Variants in NEDD4L observed in about 807,000 individuals in gnomAD.
NEDD4L encodes E3 ubiquitin-protein ligase NEDD4-like.
In NEDD4L, 54 loss-of-function variants were observed where a neutral mutation model predicts 148.9. The ratio of observed to expected loss-of-function variants is 0.36; its 90% CI spans 0.29 to 0.45. The LOEUF is 0.45. Ranked by LOEUF, NEDD4L falls within the 20% of genes least tolerant of loss-of-function variation. The pLI, the probability that NEDD4L is intolerant of heterozygous loss-of-function variation, is 1.00. For synonymous variants in NEDD4L, 433 were observed against 440.7 expected (o/e 0.98, Z 0.22); for missense variants, 856 against 1,233.8 (o/e 0.69, Z 4.59).
chr18:58,179,979 A>C (rs1460427530), intron 2 of NEDD4L, among the ~76,000 whole-genome samples: 1 of 152,058 alleles, frequency 6.6e-6, no homozygotes, highest in African/African-American at 2.4e-5. Flanking sequence ...TGGTGCCAAA[A>C]AAGTTGGGGA....
chr18:58,243,957 C>CTCAGCCTTAGAAAAAGATGAGG (rs2046947018), intron 2 of NEDD4L, among the ~76,000 whole-genome samples: 4 of 152,122 alleles, frequency 2.6e-5, no homozygotes, highest in Non-Finnish European at 5.9e-5. Context: ...TAAATACACA[C>CTCAGCCTTAGAAAAAGATGAGG]GTGAACACAC....
chr18:58,124,206 T>C (rs2030579650), intron 1 of NEDD4L, among the ~76,000 whole-genome samples: 1 of 152,154 alleles, frequency 6.6e-6, no homozygotes, highest in African/African-American at 2.4e-5. Context: ...CCAGAGGGTG[T>C]TCCCCGGGTG....
intron 2 of NEDD4L, among the ~76,000 whole-genome samples, chr18:58,184,654 C>T (rs1249115204): frequency 6.6e-6 from 1 of 152,060 alleles, no homozygotes; most frequent in African/African-American, 2.4e-5. Flanking sequence ...CCTGTCTGGG[C>T]GTGGTGGCTC....
At position 58,319,134 on chromosome 18, in the gene NEDD4L, A is replaced by G. The variant is rs144816126; in HGVS notation, c.348+3102A>G. Among the ~76,000 whole-genome samples the G allele has an allele frequency of 6.5e-4, 99 of 152,320 alleles. No individual in the cohort carries two copies. The East Asian group carries it at 0.012, about 18-fold the overall frequency. ...CCCTCTCATGAGTGCAGAATTCAAA[A>G]TCATGGAGTTTGGAGGGACTTCAGA... On this transcript the variant is annotated intron_variant, in intron 6 of 30. Transcript: ENST00000400345.
chr18:58,226,213 G>A (rs560585720), intron 2 of NEDD4L, among the ~76,000 whole-genome samples: 1 of 152,254 alleles, frequency 6.6e-6, no homozygotes, highest in South Asian at 2.1e-4. Context: ...GAATATCCAC[G>A]CCTATGGAAT....
chr18:58,205,159 C>T lies in NEDD4L; in HGVS notation c.122+39298C>T, dbSNP rs559903400. On this transcript the variant is annotated intron_variant, in intron 2 of 30. Coordinates refer to ENST00000400345, the MANE Select transcript of NEDD4L (RefSeq NM_001144967.3). ...CTTTATTATGTCCTATTTGTGTTTCCTGCTTTTGAGGTTCTTAGTCCTTTT... is the reference window on the plus strand; with the variant it reads ...CTTTATTATGTCCTATTTGTGTTTCTTGCTTTTGAGGTTCTTAGTCCTTTT... Among the ~76,000 whole-genome samples the T allele has an allele frequency of 2.0e-5, 3 of 152,236 alleles. No homozygotes were observed. The South Asian group carries it at 6.2e-4, about 32-fold the overall frequency.
intron 2 of NEDD4L, among the ~76,000 whole-genome samples, chr18:58,187,329 T>A (rs2039585859): frequency 6.6e-6 from 1 of 152,098 alleles, no homozygotes; most frequent in African/African-American, 2.4e-5. Flanking sequence ...ACTGAATCAC[T>A]GAACCAGGCA....
chr18:58,235,288 T>C (rs541586823), intron 2 of NEDD4L, among the ~76,000 whole-genome samples: 215 of 152,290 alleles, frequency 1.4e-3, no homozygotes, highest in South Asian at 8.9e-3. Flanking sequence ...GGTTTTATTG[T>C]TGCTTACTCA....
chr18:58,136,123 C>T (rs1261026738), intron 1 of NEDD4L, among the ~76,000 whole-genome samples: 2 of 151,978 alleles, frequency 1.3e-5, no homozygotes, highest in Non-Finnish European at 2.9e-5. Context: ...TAACAACTCA[C>T]ATGCTGAGGG....
intron 1 of NEDD4L, among the ~76,000 whole-genome samples, chr18:58,063,379 C>T (rs988091715): frequency 2.0e-5 from 3 of 151,848 alleles, no homozygotes; most frequent in Non-Finnish European, 4.4e-5. Context: ...TTAAAAGATA[C>T]CTTCTAAACT....
rs1223192688 is a variant in NEDD4L, at chr18:58,341,787, C to A, written c.1367C>A (p.Ala456Asp). 6.2e-7 allele frequency: 1 copy of A among 1,613,020 alleles called. No individual in the cohort carries two copies. The highest frequency in any genetic ancestry group is 1.3e-5 in the African/African-American group (1 of 74,914). Residue 456 changes from alanine (A) to aspartate (D), a missense_variant, in exon 15 of 31, where the codon GCC becomes GAC. Ala to Asp is a moderately radical substitution (Grantham distance 126). This residue lies in a region of NEDD4L where 367 missense variants were observed against 422.7 expected (regional missense o/e 0.87). Coordinates refer to ENST00000400345, the MANE Select transcript of NEDD4L (RefSeq NM_001144967.3). ...SLSSPTVTLS[A>D]PLEGAKDSPV... Reference sequence around the variant, plus strand: ...AGCTCGCCAACAGTAACTTTATCTGCCCCGCTGGAGGTGAGACGGCTACCT... The same window carrying A: ...AGCTCGCCAACAGTAACTTTATCTGACCCGCTGGAGGTGAGACGGCTACCT...
At chr18:58,194,860 A>AC (rs2040488296) in intron 2 of NEDD4L, among the ~76,000 whole-genome samples, 1 of 152,244 alleles carries the variant, frequency 6.6e-6, no homozygotes, top group African/African-American at 2.4e-5. Context: ...ATGTAAAAAA[A>AC]GCACATTGAT....
At chr18:58,188,796 GTTGTTAGTC>G (rs1368617583) in intron 2 of NEDD4L, among the ~76,000 whole-genome samples, 1 of 152,260 alleles carries the variant, frequency 6.6e-6, no homozygotes, top group Non-Finnish European at 1.5e-5. Context: ...GTAATCTGTA[GTTGTTAGTC>G]TTGAAAGTGG....
At chr18:58,328,211 C>T (rs542943833) in intron 9 of NEDD4L, among the ~76,000 whole-genome samples, 13 of 152,290 alleles carry the variant, frequency 8.5e-5, no homozygotes, top group South Asian at 8.3e-4. Context: ...GTGATCCGCC[C>T]GCCTTGGCCT....
intron 1 of NEDD4L, among the ~76,000 whole-genome samples, chr18:58,091,839 A>G (rs887019054): frequency 6.6e-6 from 1 of 152,186 alleles, no homozygotes; most frequent in African/African-American, 2.4e-5. Context: ...CATTATTCAC[A>G]TTGCCTGAGA....
chr18:58,337,886 C>T (rs889884930), intron 13 of NEDD4L, among the ~76,000 whole-genome samples: 6 of 152,162 alleles, frequency 3.9e-5, no homozygotes, highest in South Asian at 4.1e-4. Context: ...GGCAAATAAA[C>T]GCACAGTGGT....
chr18:58,283,107 G>T (rs537544075), intron 5 of NEDD4L, among the ~76,000 whole-genome samples: 2 of 151,474 alleles, frequency 1.3e-5, no homozygotes, highest in African/African-American at 4.9e-5. Flanking sequence ...ACTGTGTCTC[G>T]CTCTGTCGCC....
intron 2 of NEDD4L, among the ~76,000 whole-genome samples, chr18:58,192,492 G>T (rs1568360312): frequency 6.6e-6 from 1 of 152,194 alleles, no homozygotes; most frequent in Non-Finnish European, 1.5e-5. Flanking sequence ...CATCATCAGG[G>T]TTAGTTCTCA....
chr18:58,371,203 A>ATTTTTTTTTTTTTTTT (rs34960405), intron 23 of NEDD4L, among the ~76,000 whole-genome samples: 2 of 92,988 alleles, frequency 2.2e-5, no homozygotes, highest in Non-Finnish European at 3.9e-5. Flanking sequence ...TGCCTGGCTA[A>ATTTTTTTTTTTTTTTT]TTTTTTTTTT....
Sources: allele counts gnomAD v4.1 joint callset (sites outside exome capture counted in the v4.1 genomes callset), GRCh38; gene constraint gnomAD v4.1.1; regional missense constraint gnomAD v4.1.1; transcripts MANE v1.5; gene names NCBI Gene and HGNC (gene_info 2026-07-23, HGNC 2026-07-21).